Variants in SH3BGRL2 observed in about 807,000 individuals in gnomAD.
SH3BGRL2 encodes the protein SH3 domain binding glutamate rich protein like 2.
A neutral mutation model predicts 14.8 loss-of-function variants in SH3BGRL2; 21 were observed. The ratio of observed to expected loss-of-function variants is 1.42; its 90% confidence interval spans 1.01 to 2.05. The LOEUF (loss-of-function observed/expected upper bound fraction) is 2.05. Among genes scored for constraint, SH3BGRL2 ranks in the 30% most tolerant of loss-of-function variants. SH3BGRL2 has a pLI of 0.00. For synonymous variants in SH3BGRL2, 50 were observed against 47.8 expected, an observed-to-expected ratio of 1.05 and a Z score of -0.19; for missense variants, 147 against 130.8, an observed-to-expected ratio of 1.12 and a Z score of -0.61.
chr6:79,585,017 A>G, the SH3BGRL2 span, among the ~76,000 whole-genome samples: 2 of 151,070 alleles, frequency 1.3e-5, no homozygotes, highest in Admixed American at 6.7e-5. Flanking sequence ...CTATTATTTT[A>G]TGTACCATTA....
chr6:79,545,613 C>T, the SH3BGRL2 span, among the ~76,000 whole-genome samples: 1 of 152,190 alleles, frequency 6.6e-6, no homozygotes, highest in Non-Finnish European at 1.5e-5. Context: ...AATTCCCTCT[C>T]ACTACATGTA....
chr6:79,583,920 G>T, the SH3BGRL2 span, among the ~76,000 whole-genome samples: 1 of 152,072 alleles, frequency 6.6e-6, no homozygotes, highest in Non-Finnish European at 1.5e-5. Context: ...GGTATTGCTG[G>T]TCTTCATTTC....
At chr6:79,646,727 T>A (rs1006435537) in intron 1 of SH3BGRL2, among the ~76,000 whole-genome samples, 1 of 152,228 alleles carries the variant, frequency 6.6e-6, no homozygotes, top group African/African-American at 2.4e-5. Context: ...TGGCAAGCAC[T>A]AATCTGCTTT....
At chr6:79,573,252 A>G in the SH3BGRL2 span, among the ~76,000 whole-genome samples, 7 of 151,994 alleles carry the variant, frequency 4.6e-5, no homozygotes, top group African/African-American at 1.7e-4. Context: ...TAAATGGTTT[A>G]TCTTTCCCTA....
At chr6:79,689,327 CAT>C (rs1442331855) in intron 2 of SH3BGRL2, among the ~76,000 whole-genome samples, 1 of 151,982 alleles carries the variant, frequency 6.6e-6, no homozygotes, top group Admixed American at 6.6e-5. Flanking sequence ...AGGTTCATAA[CAT>C]AAAAATAACG....
At chr6:79,545,087 C>T in the SH3BGRL2 span, among the ~76,000 whole-genome samples, 61 of 152,272 alleles carry the variant, frequency 4.0e-4, no homozygotes, top group African/African-American at 1.4e-3. Flanking sequence ...ATGCTGAAGT[C>T]GTCAAGCTTC....
chr6:79,597,631 T>C, the SH3BGRL2 span, among the ~76,000 whole-genome samples: 1 of 152,174 alleles, frequency 6.6e-6, no homozygotes, highest in African/African-American at 2.4e-5. Context: ...AAAATAAATC[T>C]AACCTGAGAG....
chr6:79,691,170 A>T (rs898981327), intron 2 of SH3BGRL2, among the ~76,000 whole-genome samples: 1 of 151,978 alleles, frequency 6.6e-6, no homozygotes, highest in Non-Finnish European at 1.5e-5. Context: ...AACAAAAAAG[A>T]TCCTTCTTCT....
At chr6:79,656,296 A>G (rs541515628) in intron 1 of SH3BGRL2, among the ~76,000 whole-genome samples, 2 of 152,346 alleles carry the variant, frequency 1.3e-5, no homozygotes, top group African/African-American at 2.4e-5. Context: ...AGGTGAGTCA[A>G]TGATGATGTC....
At chr6:79,539,458 T>C in the SH3BGRL2 span, among the ~76,000 whole-genome samples, 3 of 152,220 alleles carry the variant, frequency 2.0e-5, no homozygotes, top group Non-Finnish European at 4.4e-5. Flanking sequence ...TTTTTAAAGA[T>C]TTTGTTTATG....
At chr6:79,622,606 A>G in the SH3BGRL2 span, among the ~76,000 whole-genome samples, 5 of 152,080 alleles carry the variant, frequency 3.3e-5, no homozygotes, top group African/African-American at 1.2e-4. Context: ...ATCCCCCAAC[A>G]CACACCTCTC....
upstream of SH3BGRL2, among the ~76,000 whole-genome samples, chr6:79,626,760 A>G (rs1435686772): frequency 6.6e-6 from 1 of 152,178 alleles, no homozygotes; most frequent in African/African-American, 2.4e-5. Context: ...TACAGTCCTC[A>G]TGGTGCCCAC....
intron 1 of SH3BGRL2, among the ~76,000 whole-genome samples, chr6:79,640,634 C>T (rs1333904770): frequency 6.6e-6 from 1 of 151,912 alleles, no homozygotes; most frequent in Non-Finnish European, 1.5e-5. Context: ...GGGTTGTTTC[C>T]TGGAGCTGAC....
At chr6:79,659,658 T>G (rs1769500402) in intron 1 of SH3BGRL2, among the ~76,000 whole-genome samples, 1 of 152,244 alleles carries the variant, frequency 6.6e-6, no homozygotes, top group Non-Finnish European at 1.5e-5. Flanking sequence ...AAAGTGGTTT[T>G]TTTCCAATTC....
chr6:79,589,756 A>G, the SH3BGRL2 span, among the ~76,000 whole-genome samples: 3 of 152,010 alleles, frequency 2.0e-5, no homozygotes, highest in African/African-American at 7.2e-5. Flanking sequence ...GGAAAAATAT[A>G]TATTTGTTTT....
the SH3BGRL2 span, among the ~76,000 whole-genome samples, chr6:79,547,798 A>T: frequency 6.6e-6 from 1 of 152,148 alleles, no homozygotes; most frequent in Non-Finnish European, 1.5e-5. Context: ...AAAAAAATGT[A>T]ATTTTTGTTA....
chr6:79,598,719 C>A, the SH3BGRL2 span, among the ~76,000 whole-genome samples: 6 of 152,132 alleles, frequency 3.9e-5, no homozygotes, highest in South Asian at 8.3e-4. Context: ...GAACTGTATA[C>A]TTTAAATGAG....
At chr6:79,588,481 G>A in the SH3BGRL2 span, among the ~76,000 whole-genome samples, 4 of 152,198 alleles carry the variant, frequency 2.6e-5, no homozygotes, top group Non-Finnish European at 4.4e-5. Context: ...TTTATTCTGG[G>A]AAATGTATGC....
At chr6:79,632,443 A>G (rs966067165) in intron 1 of SH3BGRL2, among the ~76,000 whole-genome samples, 2 of 152,198 alleles carry the variant, frequency 1.3e-5, no homozygotes, top group African/African-American at 4.8e-5. Flanking sequence ...CCTTTGTGAC[A>G]TATATAATCA....
Sources: allele counts gnomAD v4.1 joint callset (sites outside exome capture counted in the v4.1 genomes callset), GRCh38; gene constraint gnomAD v4.1.1; transcripts MANE v1.5; gene names NCBI Gene and HGNC (gene_info 2026-07-23, HGNC 2026-07-21).